Variants in FMN1 observed in about 807,000 individuals in gnomAD.
FMN1 encodes the protein formin-1.
FMN1 carries 110 observed loss-of-function variants against 132.4 expected under a neutral mutation model. The observed-to-expected ratio is 0.83, with a 90% CI of 0.71 to 0.97. FMN1 has a LOEUF of 0.97. Among genes scored for constraint, FMN1 ranks in the 50% least tolerant of loss-of-function variants. The probability of loss-of-function intolerance (pLI) is 0.00; values close to 1 mark genes in which losing one functional copy is unlikely to be tolerated. For synonymous variants in FMN1, 722 were observed against 651.7 expected (o/e 1.11, Z -1.64); for missense variants, 1,792 against 1,705.3 (o/e 1.05, Z -0.90).
chr15:33,119,222 A>G (rs1962320304), intron 4 of FMN1, among the ~76,000 whole-genome samples: 1 of 152,200 alleles, frequency 6.6e-6, no homozygotes, highest in Non-Finnish European at 1.5e-5. Flanking sequence ...TGCAACCCAG[A>G]GAACAGGCTT....
intron 16 of FMN1, among the ~76,000 whole-genome samples, chr15:32,865,682 C>CA (rs1175676340): frequency 6.6e-6 from 1 of 151,752 alleles, no homozygotes; most frequent in African/African-American, 2.4e-5. Flanking sequence ...ACTAAAAATA[C>CA]AAAATTAGCC....
At chr15:32,873,964 C>A (rs2141390304) in intron 16 of FMN1, among the ~76,000 whole-genome samples, 1 of 151,078 alleles carries the variant, frequency 6.6e-6, no homozygotes, top group East Asian at 1.9e-4. Flanking sequence ...TATTTTTACT[C>A]CATTTCATTA....
At chr15:32,776,502 A>T (rs1218013565) in intron 20 of FMN1, among the ~76,000 whole-genome samples, 2 of 152,172 alleles carry the variant, frequency 1.3e-5, no homozygotes, top group Admixed American at 1.3e-4. Context: ...AAAGGAACTG[A>T]AGAGAATGAA....
chr15:32,929,725 T>C (rs2061056585), intron 9 of FMN1, among the ~76,000 whole-genome samples: 1 of 151,894 alleles, frequency 6.6e-6, no homozygotes, highest in Non-Finnish European at 1.5e-5. Flanking sequence ...TAGCATAATG[T>C]CCTCAGGCCA....
intron 9 of FMN1, among the ~76,000 whole-genome samples, chr15:32,931,097 T>C (rs1182836330): frequency 6.6e-6 from 1 of 152,162 alleles, no homozygotes; most frequent in Admixed American, 6.6e-5. Context: ...TTACTGCAGC[T>C]TGGCAATTTG....
intron 12 of FMN1, among the ~76,000 whole-genome samples, chr15:32,907,717 C>CA (rs1281721947): frequency 4.6e-5 from 7 of 151,692 alleles, no homozygotes; most frequent in Admixed American, 3.3e-4. Context: ...CTGAACTGGA[C>CA]AAAAAAAATT....
chr15:32,850,362 C>T (rs2058981537), intron 17 of FMN1, among the ~76,000 whole-genome samples: 2 of 152,176 alleles, frequency 1.3e-5, no homozygotes, highest in South Asian at 4.1e-4. Flanking sequence ...TGGCCTTTGT[C>T]AATCTAATCT....
chr15:32,978,091 G>A (rs1217537987), intron 7 of FMN1, among the ~76,000 whole-genome samples: 2 of 151,846 alleles, frequency 1.3e-5, no homozygotes, highest in Non-Finnish European at 2.9e-5. Flanking sequence ...TCTTGACCTC[G>A]TGATCCCCTG....
chr15:33,087,784 G>A (rs532266280), intron 5 of FMN1, among the ~76,000 whole-genome samples: 20 of 148,970 alleles, frequency 1.3e-4, no homozygotes, highest in Non-Finnish European at 2.5e-4. Context: ...TAAATAAAAT[G>A]TGGTATATAT....
chr15:33,149,849 C>T (rs1307003372), intron 4 of FMN1: 58 of 983,174 alleles, frequency 5.9e-5, no homozygotes, highest in Non-Finnish European at 6.8e-5. Flanking sequence ...TTTATATTTA[C>T]TTCCCATAAT....
chr15:32,926,342 T>A, intron 9 of FMN1, 81 bp from the exon 10 acceptor site: 1 of 711,214 alleles, frequency 1.4e-6, no homozygotes, highest in Non-Finnish European at 2.3e-6. Context: ...AAACATTAAA[T>A]TTTTTTAGAT....
intron 9 of FMN1, among the ~76,000 whole-genome samples, chr15:32,932,116 G>A (rs1351548033): frequency 1.3e-5 from 2 of 152,076 alleles, no homozygotes; most frequent in Admixed American, 6.6e-5. Flanking sequence ...TATGTTTACT[G>A]GGCCAGGTGC....
At chr15:32,918,501 CT>C (rs777053064) in intron 10 of FMN1, among the ~76,000 whole-genome samples, 10 of 152,224 alleles carry the variant, frequency 6.6e-5, no homozygotes, top group Non-Finnish European at 1.2e-4. Context: ...TATTACAAAA[CT>C]TCAAAATCAC....
At chr15:32,909,937 G>A (rs961290166) in intron 11 of FMN1, among the ~76,000 whole-genome samples, 2 of 151,920 alleles carry the variant, frequency 1.3e-5, no homozygotes, top group Non-Finnish European at 2.9e-5. Flanking sequence ...ATCACAACGG[G>A]ATTAAGAAGT....
chr15:33,112,397 T>C (rs1476379611), intron 4 of FMN1, among the ~76,000 whole-genome samples: 2 of 152,188 alleles, frequency 1.3e-5, no homozygotes, highest in African/African-American at 4.8e-5. Context: ...TTTGTTGTTC[T>C]GTACTAGTTT....
intron 16 of FMN1, among the ~76,000 whole-genome samples, chr15:32,887,285 C>A (rs2059918766): frequency 6.6e-6 from 1 of 152,132 alleles, no homozygotes; most frequent in South Asian, 2.1e-4. Context: ...CTGCTTCTGG[C>A]ACTCTGGGCT....
rs71113479 is a variant in FMN1, at chr15:32,848,977, GTTTTTTTTTT to G, written c.3928+8028_3928+8037del. On this transcript the variant is annotated intron_variant, in intron 17 of 20. Transcript: ENST00000616417. ...ATCAGTCTTGGGTTAGTTCTCTTTT[GTTTTTTTTTT>G]TTTTTTTTTTTTCAGAGACAGAGTC... Among the ~76,000 whole-genome samples the G allele has an allele frequency of 2.6e-3, 234 of 89,580 alleles. 2 individuals carry two copies. The highest frequency in any genetic ancestry group is 0.01 in the Middle Eastern group (1 of 96). The allele number at this position is 89,580 out of a possible 152,430, so 58.8% of individuals were successfully genotyped here.
chr15:33,106,885 CTTCA>C (rs1181101313), intron 4 of FMN1, among the ~76,000 whole-genome samples: 1 of 152,030 alleles, frequency 6.6e-6, no homozygotes, highest in Non-Finnish European at 1.5e-5. Context: ...TCTTCTCTGT[CTTCA>C]TTCACTCCAT....
chr15:32,794,110 C>T (rs1299323981), intron 19 of FMN1, among the ~76,000 whole-genome samples: 2 of 152,054 alleles, frequency 1.3e-5, no homozygotes, highest in African/African-American at 4.8e-5. Context: ...TCCATAATCA[C>T]CCATAACAGC....
Sources: gnomAD v4.1 joint callset for allele counts (sites outside exome capture counted in the v4.1 genomes callset) on GRCh38, gnomAD v4.1.1 for gene constraint, MANE v1.5 for transcripts, NCBI Gene and HGNC (gene_info 2026-07-23, HGNC 2026-07-21) for gene names.